Variants in BTC observed in about 807,000 individuals in gnomAD.
The protein encoded by BTC is probetacellulin.
BTC carries 13 observed loss-of-function variants against 18.1 expected under a neutral mutation model. The observed-to-expected ratio is 0.72, with a 90% CI of 0.47 to 1.14. The LOEUF is 1.14. Ranked by LOEUF, BTC falls within the 50% of genes most tolerant of loss-of-function variation. BTC has a pLI of 0.00. For missense variants in BTC, 247 were observed against 224.2 expected (o/e 1.10, Z -0.65); for synonymous variants, 83 against 79.4 (o/e 1.05, Z -0.24).
chr4:74,750,485 A>G (rs964124181), intron 4 of BTC, 88 bp downstream of exon 4: 2 of 1,361,284 alleles, frequency 1.5e-6, no homozygotes, highest in African/African-American at 3.0e-5. Flanking sequence ...AAAAAGCAAA[A>G]GAGAATGTAA....
At chr4:74,790,733 A>G (rs1308293461) in intron 1 of BTC, among the ~76,000 whole-genome samples, 2 of 152,326 alleles carry the variant, frequency 1.3e-5, no homozygotes, top group East Asian at 3.9e-4. Context: ...GGCCAGACAC[A>G]GTCCAAAATA....
intron 5 of BTC, among the ~76,000 whole-genome samples, chr4:74,747,772 G>A (rs1168235460): frequency 6.6e-6 from 1 of 151,864 alleles, no homozygotes; most frequent in Non-Finnish European, 1.5e-5. Flanking sequence ...TCTTTCCTGT[G>A]CCCAAAAATG....
At chr4:74,775,924 C>T (rs187959112) in intron 1 of BTC, among the ~76,000 whole-genome samples, 4 of 152,264 alleles carry the variant, frequency 2.6e-5, no homozygotes, top group South Asian at 2.1e-4. Flanking sequence ...TAAGCCTTGT[C>T]GTCCTGTCCT....
At chr4:74,761,567 C>T (rs1339194122) in intron 2 of BTC, among the ~76,000 whole-genome samples, 2 of 152,210 alleles carry the variant, frequency 1.3e-5, no homozygotes, top group East Asian at 3.8e-4. Flanking sequence ...ATTTGATTTT[C>T]CCATTCAAAC....
intron 1 of BTC, among the ~76,000 whole-genome samples, chr4:74,774,514 T>A (rs72867583): frequency 0.17 from 26,594 of 152,034 alleles, 3,794 homozygotes; most frequent in African/African-American, 0.4. Flanking sequence ...ACTATCTGAT[T>A]TTTTATCACT....
intron 5 of BTC, 125 bp from the exon 6 acceptor site, chr4:74,746,800 T>G (rs930444571): frequency 6.6e-6 from 1 of 152,274 alleles, no homozygotes; most frequent in East Asian, 1.9e-4. Flanking sequence ...TTGTAATAAG[T>G]TAGGAGCACA....
At chr4:74,748,397 G>C (rs1032409353) in intron 4 of BTC, among the ~76,000 whole-genome samples, 2 of 152,118 alleles carry the variant, frequency 1.3e-5, no homozygotes, top group African/African-American at 4.8e-5. Context: ...TTGGCCGGAC[G>C]TGGTGGTGGG....
intron 1 of BTC, among the ~76,000 whole-genome samples, chr4:74,792,703 T>C (rs1157516624): frequency 6.6e-6 from 1 of 152,244 alleles, no homozygotes; most frequent in Non-Finnish European, 1.5e-5. Context: ...GCCAACCCTT[T>C]ACTAAATGCT....
chr4:74,764,266 T>A (rs577099810), intron 2 of BTC, among the ~76,000 whole-genome samples: 184 of 152,348 alleles, frequency 1.2e-3, no homozygotes, highest in Non-Finnish European at 2.4e-3. Context: ...TACTGTAGCC[T>A]CTACACTGTG....
intron 2 of BTC, among the ~76,000 whole-genome samples, chr4:74,766,587 T>C (rs866944873): frequency 6.6e-6 from 1 of 152,086 alleles, no homozygotes; most frequent in African/African-American, 2.4e-5. Flanking sequence ...TATGAACAGA[T>C]CTATGACTAA....
rs782792563 is a variant in BTC, at chr4:74,748,088, C to G, written c.490G>C (p.Asp164His). 1 of 1,610,802 alleles carries G rather than the reference C, an allele frequency of 6.2e-7. No individual in the cohort carries two copies. Among genetic ancestry groups the G allele is most frequent in the Non-Finnish European group, 8.5e-7 (1 of 1,178,766 alleles). ...KEEEMETLGK[D>H]ITPINEDIEE... is the part of the protein sequence containing the mutation. Reference sequence around the variant, plus strand: ...ATATCTTCATTGATAGGAGTTATATCTTTACCCAGAGTTTCCATTTCTTCT... The same window carrying G: ...ATATCTTCATTGATAGGAGTTATATGTTTACCCAGAGTTTCCATTTCTTCT... The change falls in exon 5 of 6, where the codon GAT becomes CAT. Residue 164 changes from aspartate (D) to histidine (H), a missense_variant. Physicochemically the swap from Asp to His is moderately conservative, Grantham distance 81 (BLOSUM62 -1). Coordinates refer to ENST00000395743, the MANE Select transcript of BTC (RefSeq NM_001729.4).
intron 2 of BTC, among the ~76,000 whole-genome samples, chr4:74,759,693 G>A (rs529186135): frequency 9.9e-5 from 15 of 151,076 alleles, no homozygotes; most frequent in East Asian, 3.9e-4. Context: ...GTTACTGCAC[G>A]TCAGTGGATG....
chr4:74,762,694 A>T (rs1553957441), intron 2 of BTC, among the ~76,000 whole-genome samples: 1 of 152,192 alleles, frequency 6.6e-6, no homozygotes, highest in African/African-American at 2.4e-5. Context: ...TGTGACCATC[A>T]TATAAGAGTA....
chr4:74,745,426 G>A lies in BTC; in HGVS notation c.*1251C>T, dbSNP rs1724264301. On this transcript the variant is annotated 3_prime_UTR_variant, in exon 6 of 6. Transcript: ENST00000395743. ...TGCTTGGCCGACAGGCACAAGTTGGGGGGCATCTTCCATCGATTTTTGTAA... is the reference window on the plus strand; with the variant it reads ...TGCTTGGCCGACAGGCACAAGTTGGAGGGCATCTTCCATCGATTTTTGTAA... 1 of 152,176 alleles carries A rather than the reference G, an allele frequency of 6.6e-6. No individual in the cohort carries two copies. The highest frequency in any genetic ancestry group is 1.5e-5 in the Non-Finnish European group (1 of 68,036). 9.4% of individuals were successfully genotyped at this position (152,176 alleles called of 1,614,324 possible).
chr4:74,786,967 A>ATTT (rs3087017), intron 1 of BTC, among the ~76,000 whole-genome samples: 19,116 of 144,548 alleles, frequency 0.13, 1,617 homozygotes, highest in African/African-American at 0.25. Context: ...AAGAAATACA[A>ATTT]TTTTTTTTTT....
At position 74,749,666 on chromosome 4, in the gene BTC, C is replaced by T. The variant is rs1039482932; in HGVS notation, c.428+907G>A. On this transcript the variant is annotated intron_variant, in intron 4 of 5. Coordinates refer to ENST00000395743, the MANE Select transcript of BTC (RefSeq NM_001729.4). ...AGCTTCTCAAGACAAAAAGATACCACTTTAATAAGATAGTTTTTTTTGTTG... is the reference window on the plus strand; with the variant it reads ...AGCTTCTCAAGACAAAAAGATACCATTTTAATAAGATAGTTTTTTTTGTTG... Among the ~76,000 whole-genome samples, 18 of 125,542 alleles carry T rather than the reference C, an allele frequency of 1.4e-4. No homozygotes were observed. The Admixed American group carries it at 1.6e-3, about 11-fold the overall frequency. 82.4% of individuals were successfully genotyped at this position (125,542 alleles called of 152,430 possible). A position where few individuals can be genotyped will look rare whatever the true frequency, so the allele number is the denominator to read the frequency against.
intron 2 of BTC, among the ~76,000 whole-genome samples, chr4:74,768,748 T>C (rs1724963444): frequency 6.6e-6 from 1 of 152,178 alleles, no homozygotes; most frequent in African/African-American, 2.4e-5. Context: ...ATGTTCTTAC[T>C]ACAATAAAAA....
chr4:74,783,587 CTTT>C (rs71220728), intron 1 of BTC, among the ~76,000 whole-genome samples: 3,411 of 83,594 alleles, frequency 0.041, 126 homozygotes, highest in African/African-American at 0.14. Context: ...CTATTCGGCT[CTTT>C]TTTTTTTTTT....
intron 3 of BTC, 59 bp from the exon 4 acceptor site, chr4:74,750,778 T>G: frequency 6.4e-7 from 1 of 1,565,850 alleles, no homozygotes. Flanking sequence ...GAATCTCTAC[T>G]TCTTTTCTGA....
Sources: allele counts gnomAD v4.1 joint callset (sites outside exome capture counted in the v4.1 genomes callset), GRCh38; gene constraint gnomAD v4.1.1; transcripts MANE v1.5; gene names NCBI Gene and HGNC (gene_info 2026-07-23, HGNC 2026-07-21).